Variants in ANO10 observed in about 807,000 individuals in gnomAD.
The protein encoded by ANO10 is anoctamin 10, also known as anoctamin-10.
In ANO10, 77 loss-of-function variants were observed where a neutral mutation model predicts 74.7. The ratio of observed to expected loss-of-function variants is 1.03; its 90% CI spans 0.86 to 1.25. The LOEUF (loss-of-function observed/expected upper bound fraction) is 1.25. Among genes scored for constraint, ANO10 ranks in the 50% most tolerant of loss-of-function variants. The probability of loss-of-function intolerance (pLI) is 0.00; values close to 1 mark genes in which losing one functional copy is unlikely to be tolerated. For missense variants in ANO10, 721 were observed against 778.1 expected, an observed-to-expected ratio of 0.93 and a Z score of 0.87; for synonymous variants, 279 against 284.9, an observed-to-expected ratio of 0.98 and a Z score of 0.21.
intron 11 of ANO10, among the ~76,000 whole-genome samples, chr3:43,511,172 T>C (rs1188287604): frequency 6.6e-6 from 1 of 152,226 alleles, no homozygotes; most frequent in Non-Finnish European, 1.5e-5. Context: ...AATAATGGAC[T>C]GCAACATGCA....
chr3:43,519,740 G>T (rs1432928898), intron 11 of ANO10, among the ~76,000 whole-genome samples: 1 of 152,146 alleles, frequency 6.6e-6, no homozygotes, highest in Non-Finnish European at 1.5e-5. Context: ...CTCGGGCCAG[G>T]ATCATGCTGA....
chr3:43,583,781 A>G (rs2081359039), intron 4 of ANO10, among the ~76,000 whole-genome samples: 1 of 152,222 alleles, frequency 6.6e-6, no homozygotes, highest in Admixed American at 6.5e-5. Context: ...TCTAGCACTC[A>G]GGTGTGAACA....
Position 43,485,107 on chromosome 3 carries a change from G to A in ANO10, c.1798-52380C>T, listed in dbSNP as rs2076420219. ...CCGGCCGGCGGCACTTGCTGGCTGC[G>A]ATCACCTCCACCTTCATCTGGTGGA... On this transcript the variant is annotated intron_variant, in intron 11 of 12. Coordinates refer to ENST00000292246, the MANE Select transcript of ANO10 (RefSeq NM_018075.5). The A allele has an allele frequency of 3.2e-5, 32 of 1,007,596 alleles. No homozygotes were observed. In the South Asian group the frequency reaches 3.9e-4, roughly 12 times the overall value. 62.4% of individuals were successfully genotyped at this position (1,007,596 alleles called of 1,614,324 possible).
At chr3:43,646,835 T>C (rs2149566295) in intron 1 of ANO10, among the ~76,000 whole-genome samples, 1 of 152,318 alleles carries the variant, frequency 6.6e-6, no homozygotes, top group East Asian at 1.9e-4. Context: ...TAGACTCATA[T>C]GACTGTTTAC....
At chr3:43,555,509 C>T in intron 9 of ANO10, 40 bp from the exon 10 acceptor site, 1 of 1,587,212 alleles carries the variant, frequency 6.3e-7, no homozygotes, top group African/African-American at 1.3e-5. Flanking sequence ...TAATATCATA[C>T]AATAGGAATA....
chr3:43,654,316 T>C (rs1040276720), intron 1 of ANO10, among the ~76,000 whole-genome samples: 1 of 152,194 alleles, frequency 6.6e-6, no homozygotes, highest in Non-Finnish European at 1.5e-5. Context: ...AAATACTCTG[T>C]TGGGTCTCCT....
intron 12 of ANO10, among the ~76,000 whole-genome samples, chr3:43,396,885 A>G (rs1358193404): frequency 2.7e-5 from 4 of 150,576 alleles, no homozygotes; most frequent in African/African-American, 9.8e-5. Context: ...GCAATGTCTA[A>G]TCTGCTGCTA....
intron 4 of ANO10, among the ~76,000 whole-genome samples, chr3:43,589,875 T>C (rs1390592057): frequency 6.6e-6 from 1 of 152,188 alleles, no homozygotes; most frequent in African/African-American, 2.4e-5. Flanking sequence ...GATCAAAATA[T>C]ATTGTTAAAT....
intron 10 of ANO10, among the ~76,000 whole-genome samples, chr3:43,554,728 A>G (rs2079653813): frequency 6.6e-6 from 1 of 152,080 alleles, no homozygotes; most frequent in South Asian, 2.1e-4. Flanking sequence ...TCTGCTTCCC[A>G]CTAGACCTCT....
chr3:43,582,200 C>T (rs1047711004), intron 4 of ANO10, among the ~76,000 whole-genome samples: 2 of 152,056 alleles, frequency 1.3e-5, no homozygotes, highest in Non-Finnish European at 2.9e-5. Context: ...ACCTGTAATC[C>T]CAGCACTTTG....
intron 1 of ANO10, chr3:43,691,075 G>A: frequency 1.3e-6 from 2 of 1,515,074 alleles, no homozygotes; most frequent in East Asian, 5.4e-5. Context: ...GTGTGTCTCC[G>A]GCGCGCACCC....
At chr3:43,391,343 G>C (rs2092269660) in intron 12 of ANO10, among the ~76,000 whole-genome samples, 1 of 152,052 alleles carries the variant, frequency 6.6e-6, no homozygotes, top group Non-Finnish European at 1.5e-5. Flanking sequence ...CTATTCTGAG[G>C]AAAAAAACAT....
intron 2 of ANO10, among the ~76,000 whole-genome samples, chr3:43,600,862 G>T (rs2082310639): frequency 6.6e-6 from 1 of 151,970 alleles, no homozygotes; most frequent in African/African-American, 2.4e-5. Flanking sequence ...CGAGCTCTAG[G>T]TATAAAAGTG....
At chr3:43,466,959 TCAC>T (rs2075652192) in intron 11 of ANO10, among the ~76,000 whole-genome samples, 1 of 152,182 alleles carries the variant, frequency 6.6e-6, no homozygotes, top group Non-Finnish European at 1.5e-5. Context: ...AACAGAATGT[TCAC>T]AAATAGTATG....
At chr3:43,556,025 C>G (rs1232761693) in intron 9 of ANO10, among the ~76,000 whole-genome samples, 1 of 152,156 alleles carries the variant, frequency 6.6e-6, no homozygotes, top group African/African-American at 2.4e-5. Context: ...AGGTTACATG[C>G]TCAACTTGGG....
chr3:43,487,490 T>C (rs953611502), intron 11 of ANO10, among the ~76,000 whole-genome samples: 4 of 152,116 alleles, frequency 2.6e-5, no homozygotes, highest in African/African-American at 9.6e-5. Flanking sequence ...GCTCCTGTTA[T>C]TGGTCTATTC....
At chr3:43,504,246 C>T (rs1004132428) in intron 11 of ANO10, among the ~76,000 whole-genome samples, 9 of 151,114 alleles carry the variant, frequency 6.0e-5, no homozygotes, top group Non-Finnish European at 8.8e-5. Context: ...CCAGCCCAGG[C>T]GACAAGTAAA....
Position 43,557,003 on chromosome 3 carries a change from G to A in ANO10, c.1477-1534C>T, listed in dbSNP as rs561308758. Among the ~76,000 whole-genome samples the A allele has an allele frequency of 2.2e-3, 333 of 152,208 alleles. 2 individuals are homozygous for A. Among genetic ancestry groups the A allele is most frequent in the African/African-American group, 7.6e-3 (315 of 41,528 alleles). ...AATAACAGGAGAGTTCAGCAAAATT[G>A]TGGGTAAAAGATATAAAAATTAACA... On this transcript the variant is annotated intron_variant, in intron 9 of 12. Transcript: ENST00000292246.
At chr3:43,602,270 T>A (rs2082366888) in intron 2 of ANO10, among the ~76,000 whole-genome samples, 1 of 152,120 alleles carries the variant, frequency 6.6e-6, no homozygotes, top group African/African-American at 2.4e-5. Context: ...GCACAGTGAG[T>A]GTGTGGGGAA....
Sources: allele counts gnomAD v4.1 joint callset (sites outside exome capture counted in the v4.1 genomes callset), GRCh38; gene constraint gnomAD v4.1.1; transcripts MANE v1.5; gene names NCBI Gene and HGNC (gene_info 2026-07-23, HGNC 2026-07-21).